The following CCDC60 variants were observed in gnomAD, a reference collection of about 807,000 sequenced individuals.
The protein encoded by CCDC60 is coiled-coil domain-containing protein 60.
CCDC60 carries 54 observed loss-of-function variants against 63.5 expected under a neutral mutation model. That is an observed-to-expected ratio of 0.85 (90% CI 0.68 to 1.07). CCDC60 has a LOEUF of 1.07. Among genes scored for constraint, CCDC60 ranks in the 50% least tolerant of loss-of-function variants. The probability of loss-of-function intolerance (pLI) is 0.00; values close to 1 mark genes in which losing one functional copy is unlikely to be tolerated. For synonymous variants in CCDC60, 206 were observed against 238.8 expected, an observed-to-expected ratio of 0.86 and a Z score of 1.27; for missense variants, 651 against 684.3, an observed-to-expected ratio of 0.95 and a Z score of 0.54.
At chr12:119,402,877 T>G (rs1249343849) in intron 1 of CCDC60, among the ~76,000 whole-genome samples, 1 of 152,144 alleles carries the variant, frequency 6.6e-6, no homozygotes, top group Admixed American at 6.6e-5. Flanking sequence ...AAAATTGTGG[T>G]CAAATCAAGA....
At chr12:119,359,413 C>A (rs1205505517) in intron 1 of CCDC60, among the ~76,000 whole-genome samples, 1 of 152,052 alleles carries the variant, frequency 6.6e-6, no homozygotes, top group African/African-American at 2.4e-5. Context: ...GTAGTCATTT[C>A]ACTTTTAGGT....
chr12:119,388,665 T>C (rs958716995), intron 1 of CCDC60, among the ~76,000 whole-genome samples: 5 of 152,256 alleles, frequency 3.3e-5, no homozygotes, highest in Non-Finnish European at 1.5e-5. Flanking sequence ...TTTCTATATG[T>C]ACATCTTGGA....
At chr12:119,415,957 T>C (rs931388119) in intron 1 of CCDC60, among the ~76,000 whole-genome samples, 1 of 152,102 alleles carries the variant, frequency 6.6e-6, no homozygotes, top group African/African-American at 2.4e-5. Context: ...TATCAAGGAT[T>C]GGAGGGTACT....
At chr12:119,488,552 C>A (rs376477653) in intron 4 of CCDC60, among the ~76,000 whole-genome samples, 2 of 152,192 alleles carry the variant, frequency 1.3e-5, no homozygotes, top group East Asian at 1.9e-4. Context: ...GCCTCTGATT[C>A]CTCATCTGTA....
In CCDC60 at chr12:119,360,657, G is replaced by A. The variant is rs577760998; in HGVS notation, c.90+25391G>A. 1.0e-3 allele frequency among the ~76,000 whole-genome samples: 156 copies of A among 151,952 alleles called. 1 individual carries two copies. The highest frequency in any genetic ancestry group is 9.2e-3 in the South Asian group (44 of 4,804). ...GTTCCCCACATCCCAGACGATGGGCGGCGGGGCAGAGACACTCCTCACTTC... is the reference window on the plus strand; with the variant it reads ...GTTCCCCACATCCCAGACGATGGGCAGCGGGGCAGAGACACTCCTCACTTC... On this transcript the variant is annotated intron_variant, in intron 1 of 13. Transcript: ENST00000327554.
At chr12:119,422,649 A>G (rs973987552) in intron 1 of CCDC60, among the ~76,000 whole-genome samples, 4 of 151,988 alleles carry the variant, frequency 2.6e-5, no homozygotes, top group Non-Finnish European at 4.4e-5. Context: ...ATGAGAAACC[A>G]CCCCCATGAT....
At chr12:119,400,024 A>G (rs921761735) in intron 1 of CCDC60, among the ~76,000 whole-genome samples, 5 of 151,772 alleles carry the variant, frequency 3.3e-5, no homozygotes, top group Admixed American at 2.6e-4. Context: ...ACCTTAGTAT[A>G]AATTAGCCTA....
intron 2 of CCDC60, among the ~76,000 whole-genome samples, chr12:119,448,077 A>G (rs2136276645): frequency 6.6e-6 from 1 of 152,150 alleles, no homozygotes; most frequent in South Asian, 2.1e-4. Flanking sequence ...CAAGATAAAT[A>G]AGTTCTGGAG....
intron 2 of CCDC60, among the ~76,000 whole-genome samples, chr12:119,452,672 G>A (rs1193991519): frequency 1.3e-5 from 2 of 152,222 alleles, no homozygotes; most frequent in Non-Finnish European, 2.9e-5. Context: ...GATGATGGTG[G>A]TGGAAATGGC....
chr12:119,457,266 A>G (rs1486619029), intron 2 of CCDC60, among the ~76,000 whole-genome samples: 1 of 152,240 alleles, frequency 6.6e-6, no homozygotes, highest in African/African-American at 2.4e-5. Context: ...ACTGAGAGTC[A>G]AATTTTCTGA....
intron 3 of CCDC60, among the ~76,000 whole-genome samples, chr12:119,476,265 C>T (rs756087254): frequency 1.3e-4 from 20 of 152,108 alleles, no homozygotes; most frequent in South Asian, 6.2e-4. Flanking sequence ...AAAAAAGTGA[C>T]GGGTAAAATT....
chr12:119,484,061 G>A (rs896612015), intron 4 of CCDC60, among the ~76,000 whole-genome samples: 2 of 151,956 alleles, frequency 1.3e-5, no homozygotes, highest in African/African-American at 4.8e-5. Context: ...GATGAAAAGG[G>A]AGTCTCTACC....
In CCDC60 at chr12:119,523,749, G is replaced by A; in HGVS notation, c.1160G>A (p.Arg387Lys). 1 of 1,614,188 alleles carries A rather than the reference G, an allele frequency of 6.2e-7. No homozygotes were observed. Among genetic ancestry groups the A allele is most frequent in the Non-Finnish European group, 8.5e-7 (1 of 1,180,024 alleles). ...HYKSGVCNTM[R>K]AKFYSVAQEA... ...AAGAGTGGGGTGTGTAACACCATGA[G>A]GGCCAAGTTTTACAGCGTAGCCCAG... Residue 387 changes from arginine (R) to lysine (K), a missense_variant, in exon 11 of 14, where the codon AGG (arginine) becomes AAG (lysine). Coordinates refer to ENST00000327554, the MANE Select transcript of CCDC60 (RefSeq NM_178499.5).
At chr12:119,345,299 C>T (rs373054629) in intron 1 of CCDC60, among the ~76,000 whole-genome samples, 2 of 152,120 alleles carry the variant, frequency 1.3e-5, no homozygotes, top group East Asian at 3.9e-4. Context: ...GTCAGGATTT[C>T]GAGACCAGCC....
chr12:119,540,691 T>C lies in CCDC60; in HGVS notation c.1629T>C (p.Ile543=), dbSNP rs1257509215. The change falls in exon 14 of 14, where the codon ATT becomes ATC. Residue 543 remains isoleucine (I), a synonymous_variant. Coordinates refer to ENST00000327554, the MANE Select transcript of CCDC60 (RefSeq NM_178499.5). ...TGCAGAGCCGGATCAACATACCCAT[T>C]GGGCCCTACAGCGCCCTGAGGTAGG... is the stretch of plus-strand genomic sequence containing the variant. ...SWLQSRINIP[I]GPYSALR is the part of the protein sequence containing the mutation. 6.2e-7 allele frequency: 1 copy of C among 1,613,710 alleles called. No individual in the cohort carries two copies. Among genetic ancestry groups the C allele is most frequent in the Non-Finnish European group, 8.5e-7 (1 of 1,179,952 alleles).
intron 1 of CCDC60, among the ~76,000 whole-genome samples, chr12:119,418,940 C>T (rs575913595): frequency 1.3e-5 from 2 of 152,370 alleles, no homozygotes; most frequent in African/African-American, 2.4e-5. Context: ...AACTTGCCAG[C>T]AGGCGGCACA....
chr12:119,530,336 C>A (rs1437061069), intron 12 of CCDC60, among the ~76,000 whole-genome samples: 1 of 151,356 alleles, frequency 6.6e-6, no homozygotes, highest in Non-Finnish European at 1.5e-5. Flanking sequence ...TTAGGTTAGA[C>A]CTAAGGTAGA....
intron 1 of CCDC60, among the ~76,000 whole-genome samples, chr12:119,360,002 A>C (rs1277104152): frequency 6.6e-6 from 1 of 151,646 alleles, no homozygotes; most frequent in African/African-American, 2.4e-5. Context: ...TTTCTATTCC[A>C]CAAAGCCGCC....
intron 1 of CCDC60, among the ~76,000 whole-genome samples, chr12:119,342,050 A>T (rs931157576): frequency 1.3e-5 from 2 of 152,234 alleles, no homozygotes; most frequent in African/African-American, 4.8e-5. Flanking sequence ...AAAAGCAGCG[A>T]AGTAAACAAA....
Sources: allele counts gnomAD v4.1 joint callset (sites outside exome capture counted in the v4.1 genomes callset), GRCh38; gene constraint gnomAD v4.1.1; transcripts MANE v1.5; gene names NCBI Gene and HGNC (gene_info 2026-07-23, HGNC 2026-07-21).